The following OVCH1 variants were observed in gnomAD, a reference collection of about 807,000 sequenced individuals.
The protein encoded by OVCH1 is ovochymase 1.
Under a neutral mutation model 138.4 loss-of-function variants are expected in OVCH1, and 139 were observed. The observed-to-expected ratio is 1.00, with a 90% CI of 0.87 to 1.16. The LOEUF (loss-of-function observed/expected upper bound fraction) is 1.16. OVCH1 is among the 50% of genes most tolerant of loss of function. The pLI, the probability that OVCH1 is intolerant of heterozygous loss-of-function variation, is 0.00. For missense variants in OVCH1, 1,367 were observed against 1,357.9 expected (o/e 1.01, Z -0.11); for synonymous variants, 453 against 467.8 (o/e 0.97, Z 0.41).
chr12:29,476,422 T>A, intron 12 of OVCH1, 123 bp from the exon 13 acceptor site: 1 of 789,506 alleles, frequency 1.3e-6, no homozygotes, highest in Non-Finnish European at 2.1e-6. Context: ...CATAGAAGTG[T>A]AAATAATTGC....
At chr12:29,411,329 C>T (rs1443658894), downstream of OVCH1, among the ~76,000 whole-genome samples, 5 of 151,270 alleles carry the variant, frequency 3.3e-5, no homozygotes, top group East Asian at 1.9e-4. Flanking sequence ...CATCCAGCTT[C>T]GTTCCATTGC....
rs1565579227 is a variant in OVCH1 at position 29,451,160 on chromosome 12, TATAATCATA to T, written c.2755+176_2755+184del. 2.7e-5 allele frequency among the ~76,000 whole-genome samples: 4 copies of T among 149,978 alleles called. 1 individual carries two copies. The highest frequency in any genetic ancestry group is 4.2e-4 in the South Asian group (2 of 4,712). ...TGCACATGTAACCCAGAACTTAAAG[TATAATCATA>T]ATAATAATAATAATAATAAAGAAAA... On this transcript the variant is annotated intron_variant, in intron 22 of 27. Transcript: ENST00000318184.
exon 8 of OVCH1, chr12:29,486,300 G>A: frequency 6.2e-7 from 1 of 1,613,772 alleles, no homozygotes; most frequent in Non-Finnish European, 8.5e-7. Context: ...CAGGGCCTTT[G>A]TTATATACCT....
intron 2 of OVCH1, 51 bp from the exon 3 acceptor site, chr12:29,496,329 T>C: frequency 7.1e-7 from 1 of 1,414,664 alleles, no homozygotes; most frequent in Non-Finnish European, 9.8e-7. Flanking sequence ...CCCACATATG[T>C]ATCTCCATCG....
chr12:29,469,620 C>G lies in OVCH1; in HGVS notation c.1856+2182G>C, dbSNP rs538224706. On this transcript the variant is annotated intron_variant, in intron 16 of 27. Transcript: ENST00000318184. Reference sequence around the variant, plus strand: ...GAAAGTGGGGCACTGTGGGTCACGCCTGTAATCCCAGCACTTTGGGAAGCC... The same window carrying G: ...GAAAGTGGGGCACTGTGGGTCACGCGTGTAATCCCAGCACTTTGGGAAGCC... 3.9e-5 allele frequency among the ~76,000 whole-genome samples: 6 copies of G among 152,104 alleles called. No individual in the cohort carries two copies. The South Asian group carries it at 1.2e-3, about 32-fold the overall frequency.
At chr12:29,420,868 A>G (rs920592550) in intron 3 of OVCH1, among the ~76,000 whole-genome samples, 1 of 152,236 alleles carries the variant, frequency 6.6e-6, no homozygotes, top group African/African-American at 2.4e-5. Flanking sequence ...TTGTTGAAGG[A>G]CAGAAAGTTT....
intron 27 of OVCH1, among the ~76,000 whole-genome samples, chr12:29,431,663 A>T (rs1310324787): frequency 6.6e-6 from 1 of 152,166 alleles, no homozygotes; most frequent in Non-Finnish European, 1.5e-5. Flanking sequence ...GACATATCAT[A>T]ATTTCTCATA....
chr12:29,485,354 G>C lies in OVCH1; in HGVS notation c.995+892C>G, dbSNP rs970566229. ...AAAAAAAAAAAAAGATGTCAAATAAGCTGGGTGCAGTGGTTCACGCCTGTA... is the reference window on the plus strand; with the variant it reads ...AAAAAAAAAAAAAGATGTCAAATAACCTGGGTGCAGTGGTTCACGCCTGTA... On this transcript the variant is annotated intron_variant, in intron 8 of 27. Transcript: ENST00000318184. Among the ~76,000 whole-genome samples the C allele has an allele frequency of 2.7e-5, 4 of 146,210 alleles. No individual in the cohort carries two copies. The Admixed American group carries it at 2.8e-4, about 10-fold the overall frequency.
At chr12:29,424,834 G>A (rs10219521), downstream of OVCH1, among the ~76,000 whole-genome samples, 32,872 of 152,084 alleles carry the variant, frequency 0.22, 4,689 homozygotes, top group African/African-American at 0.41. Context: ...GATTAAATCA[G>A]TTGGTATTTA....
exon 19 of OVCH1, chr12:29,461,866 T>C (rs777503652): frequency 1.2e-6 from 2 of 1,613,706 alleles, no homozygotes; most frequent in African/African-American, 2.7e-5. Flanking sequence ...GGCAGAAATC[T>C]TTCTCTCCAG....
At chr12:29,417,353 C>T (rs1380172824) in intron 3 of OVCH1, among the ~76,000 whole-genome samples, 2 of 149,682 alleles carry the variant, frequency 1.3e-5, no homozygotes, top group African/African-American at 4.9e-5. Flanking sequence ...GTCTCAGCTA[C>T]TCGGGAGGCT....
intron 21 of OVCH1, among the ~76,000 whole-genome samples, chr12:29,452,529 C>T (rs1941825532): frequency 6.6e-6 from 1 of 152,134 alleles, no homozygotes; most frequent in African/African-American, 2.4e-5. Context: ...CTCGCCTTGC[C>T]CTACCATCTG....
intron 16 of OVCH1, among the ~76,000 whole-genome samples, chr12:29,468,903 T>C (rs1942407666): frequency 6.6e-6 from 1 of 152,176 alleles, no homozygotes; most frequent in African/African-American, 2.4e-5. Flanking sequence ...TGATTTATCA[T>C]ACCATTCTCC....
At chr12:29,433,019 CA>C (rs1941296449) in intron 27 of OVCH1, among the ~76,000 whole-genome samples, 3 of 152,132 alleles carry the variant, frequency 2.0e-5, no homozygotes, top group Non-Finnish European at 4.4e-5. Flanking sequence ...AAAGGGGAGA[CA>C]GTGAGTATAA....
At chr12:29,462,450 A>AAATCATAAT (rs1273185626) in intron 18 of OVCH1, among the ~76,000 whole-genome samples, 2 of 150,990 alleles carry the variant, frequency 1.3e-5, no homozygotes, top group Non-Finnish European at 2.9e-5. Flanking sequence ...ATATAAACAA[A>AAATCATAAT]AATCATAATC....
At chr12:29,443,644 G>C (rs1941543309) in intron 24 of OVCH1, 144 bp from the exon 25 acceptor site, 1 of 864,534 alleles carries the variant, frequency 1.2e-6, no homozygotes, top group Non-Finnish European at 1.6e-6. Flanking sequence ...TTGTGAGAGA[G>C]AAAGATTTGT....
intron 2 of OVCH1, 134 bp from the exon 3 acceptor site, chr12:29,496,412 T>C: frequency 8.8e-7 from 1 of 1,130,046 alleles, no homozygotes; most frequent in Non-Finnish European, 1.3e-6. Flanking sequence ...GATAGTAAGA[T>C]AGTTCCTACG....
intron 17 of OVCH1, 98 bp from the exon 18 acceptor site, chr12:29,464,800 TTACA>T (rs1942260702): frequency 4.7e-6 from 5 of 1,062,106 alleles, no homozygotes; most frequent in Non-Finnish European, 6.9e-6. Flanking sequence ...ATTTCTGCAC[TTACA>T]TACATAAACA....
chr12:29,435,932 T>A (rs922009568), intron 26 of OVCH1, among the ~76,000 whole-genome samples: 17 of 152,318 alleles, frequency 1.1e-4, no homozygotes, highest in Middle Eastern at 3.4e-3. Flanking sequence ...GGGAAAAATT[T>A]AGAGAATTTC....
Sources: gnomAD v4.1 joint callset for allele counts (sites outside exome capture counted in the v4.1 genomes callset) on GRCh38, gnomAD v4.1.1 for gene constraint, MANE v1.5 for transcripts, NCBI Gene and HGNC (gene_info 2026-07-23, HGNC 2026-07-21) for gene names.